WWOX: variants seen among roughly 807,000 people sequenced by gnomAD.
WWOX encodes WW domain-containing oxidoreductase.
In WWOX, 69 loss-of-function variants were observed where a neutral mutation model predicts 46.2. That is an observed-to-expected ratio of 1.49 (90% CI 1.23 to 1.82). The LOEUF is 1.82. Among genes scored for constraint, WWOX ranks in the 40% most tolerant of loss-of-function variants. WWOX has a pLI of 0.00. For synonymous variants in WWOX, 359 were observed against 202.6 expected (o/e 1.77, Z -6.56); for missense variants, 919 against 542.6 (o/e 1.69, Z -6.89).
chr16:79,001,601 C>T (rs1033743635), intron 8 of WWOX, among the ~76,000 whole-genome samples: 3 of 151,454 alleles, frequency 2.0e-5, no homozygotes, highest in East Asian at 1.9e-4. Context: ...CATTAAGGTG[C>T]ATGCAATAAA....
At position 79,069,065 on chromosome 16, in the gene WWOX, G is replaced by C. The variant is rs1567528288; in HGVS notation, c.1057-142543G>C. Among the ~76,000 whole-genome samples, 4 of 152,276 alleles carry C rather than the reference G, an allele frequency of 2.6e-5. No homozygotes were observed. In the South Asian group the frequency reaches 8.3e-4, roughly 32 times the overall value. ...TTGGTAGAGTCATTTGATCAGTAAA[G>C]CGCAGAGCAGATGAACTACCTGGAA... On this transcript the variant is annotated intron_variant, in intron 8 of 8. Transcript: ENST00000566780.
intron 8 of WWOX, among the ~76,000 whole-genome samples, chr16:79,015,499 T>G (rs1448931521): frequency 6.6e-6 from 1 of 152,104 alleles, no homozygotes; most frequent in Non-Finnish European, 1.5e-5. Context: ...TATAACGTCT[T>G]TATTTCTTTT....
intron 8 of WWOX, among the ~76,000 whole-genome samples, chr16:78,992,041 C>A (rs979562645): frequency 4.6e-5 from 7 of 152,206 alleles, no homozygotes; most frequent in African/African-American, 1.7e-4. Flanking sequence ...TTCAGGCTCT[C>A]CTTTCACATG....
At chr16:79,034,621 A>T (rs1029973827) in intron 8 of WWOX, among the ~76,000 whole-genome samples, 1 of 152,116 alleles carries the variant, frequency 6.6e-6, no homozygotes, top group African/African-American at 2.4e-5. Flanking sequence ...GATTGTCTCA[A>T]AGGCATTAAT....
chr16:78,376,395 A>G (rs2081826572), intron 5 of WWOX, among the ~76,000 whole-genome samples: 1 of 152,206 alleles, frequency 6.6e-6, no homozygotes, highest in African/African-American at 2.4e-5. Flanking sequence ...ATACTCTGGA[A>G]GGATTTGAAC....
chr16:78,837,116 G>A (rs1181898215), intron 8 of WWOX, among the ~76,000 whole-genome samples: 1 of 152,006 alleles, frequency 6.6e-6, no homozygotes, highest in Non-Finnish European at 1.5e-5. Flanking sequence ...GAAGAAGAAG[G>A]AGAAAAAGAA....
rs185197348 is a variant in WWOX at position 78,529,689 on chromosome 16, G to C, written c.1056+96937G>C. 2.4e-4 allele frequency among the ~76,000 whole-genome samples: 37 copies of C among 151,718 alleles called. 1 individual carries two copies. The highest frequency in any genetic ancestry group is 8.2e-4 in the African/African-American group (34 of 41,268). ...TCACCGTGTTAGGCAGGATGGTCTC[G>C]ATCTCCTGACCTCGTGATCCACCCA... On this transcript the variant is annotated intron_variant, in intron 8 of 8. Coordinates refer to ENST00000566780, the MANE Select transcript of WWOX (RefSeq NM_016373.4).
intron 8 of WWOX, among the ~76,000 whole-genome samples, chr16:78,499,480 T>C (rs1312018917): frequency 6.6e-6 from 1 of 152,216 alleles, no homozygotes; most frequent in Admixed American, 6.5e-5. Flanking sequence ...GTGGGACTCA[T>C]GGAGATTTTC....
intron 8 of WWOX, among the ~76,000 whole-genome samples, chr16:78,572,402 C>T (rs1265197023): frequency 6.6e-6 from 1 of 151,956 alleles, no homozygotes. Flanking sequence ...TGATTCCAAC[C>T]CGGGCAACAT....
intron 8 of WWOX, among the ~76,000 whole-genome samples, chr16:79,083,933 G>C (rs187445770): frequency 1.5e-4 from 23 of 152,292 alleles, no homozygotes; most frequent in Middle Eastern, 3.4e-3. Context: ...ATGAGGTCGT[G>C]CTTTGCATTT....
At chr16:78,419,020 G>T (rs2082863938) in intron 6 of WWOX, among the ~76,000 whole-genome samples, 1 of 152,110 alleles carries the variant, frequency 6.6e-6, no homozygotes. Flanking sequence ...ATCTTTATTT[G>T]CAAATGAAAT....
Position 78,960,020 on chromosome 16 carries a change from C to G in WWOX, c.1057-251588C>G, listed in dbSNP as rs973854429. On this transcript the variant is annotated intron_variant, in intron 8 of 8. Transcript: ENST00000566780. ...AAAGGAAATACCAATGACATTTGTG[C>G]TTTAGGTCTACCAGTTAGTGGGTAT... is the stretch of plus-strand genomic sequence containing the variant. Among the ~76,000 whole-genome samples the G allele has an allele frequency of 2.6e-5, 4 of 152,266 alleles. No homozygotes were observed. In the East Asian group the frequency reaches 7.7e-4, roughly 29 times the overall value.
chr16:79,115,884 A>G (rs961783020), intron 8 of WWOX, among the ~76,000 whole-genome samples: 2 of 152,158 alleles, frequency 1.3e-5, no homozygotes, highest in African/African-American at 4.8e-5. Context: ...TTTTTTAATG[A>G]ATTTTTCTCT....
intron 8 of WWOX, among the ~76,000 whole-genome samples, chr16:78,439,486 G>A (rs918997033): frequency 2.6e-5 from 4 of 152,248 alleles, no homozygotes; most frequent in Non-Finnish European, 5.9e-5. Flanking sequence ...GTAGTCTTAC[G>A]TCATTATGTC....
chr16:78,406,009 T>C (rs1180156606), intron 6 of WWOX, among the ~76,000 whole-genome samples: 5 of 152,168 alleles, frequency 3.3e-5, no homozygotes, highest in African/African-American at 4.8e-5. Context: ...CTGGGGATCA[T>C]GTTTCTCATT....
At chr16:78,302,811 GTAT>G (rs2080064018) in intron 5 of WWOX, among the ~76,000 whole-genome samples, 1 of 152,140 alleles carries the variant, frequency 6.6e-6, no homozygotes, top group Admixed American at 6.5e-5. Flanking sequence ...AGAGTTTTAG[GTAT>G]TATGCAATTT....
intron 5 of WWOX, among the ~76,000 whole-genome samples, chr16:78,238,579 C>T (rs1022992388): frequency 3.3e-5 from 5 of 151,846 alleles, no homozygotes; most frequent in Admixed American, 6.6e-5. Context: ...CCCCAAACCC[C>T]GCAAAGGTAT....
chr16:79,021,287 G>A (rs1027303170), intron 8 of WWOX, among the ~76,000 whole-genome samples: 1 of 152,124 alleles, frequency 6.6e-6, no homozygotes, highest in Non-Finnish European at 1.5e-5. Context: ...CTAGGGTAAG[G>A]CACGCAGGAT....
intron 8 of WWOX, among the ~76,000 whole-genome samples, chr16:78,930,716 A>ATGAG (rs954344866): frequency 5.3e-5 from 8 of 152,180 alleles, no homozygotes; most frequent in Non-Finnish European, 1.2e-4. Context: ...GAATGAAAAA[A>ATGAG]TGAGTGAGTA....
Sources: gnomAD v4.1 joint callset for allele counts (sites outside exome capture counted in the v4.1 genomes callset) on GRCh38, gnomAD v4.1.1 for gene constraint, MANE v1.5 for transcripts, NCBI Gene and HGNC (gene_info 2026-07-23, HGNC 2026-07-21) for gene names.